The following MAGI2 variants were observed in gnomAD, a reference collection of about 807,000 sequenced individuals.
MAGI2 encodes the protein membrane associated guanylate kinase, WW and PDZ domain containing 2, also known as membrane-associated guanylate kinase, WW and PDZ domain-containing protein 2.
In MAGI2, 35 loss-of-function variants were observed where a neutral mutation model predicts 133.3. The ratio of observed to expected loss-of-function variants is 0.26; its 90% confidence interval spans 0.20 to 0.35. MAGI2 has a LOEUF of 0.35. Among genes scored for constraint, MAGI2 ranks in the 10% least tolerant of loss-of-function variants. The pLI, the probability that MAGI2 is intolerant of heterozygous loss-of-function variation, is 1.00. For missense variants in MAGI2, 1,636 were observed against 1,863.4 expected, an observed-to-expected ratio of 0.88 and a Z score of 2.25; for synonymous variants, 729 against 710.6, an observed-to-expected ratio of 1.03 and a Z score of -0.41.
At chr7:78,573,517 A>G (rs969613421) in intron 3 of MAGI2, among the ~76,000 whole-genome samples, 2 of 142,932 alleles carry the variant, frequency 1.4e-5, no homozygotes, top group Non-Finnish European at 3.0e-5. Context: ...GCCCCATTCA[A>G]AAATAGCAGC....
rs117780099 is a variant in MAGI2 at position 78,917,266 on chromosome 7, G to A, written c.418+89824C>T. 8.4e-3 allele frequency among the ~76,000 whole-genome samples: 1,281 copies of A among 152,192 alleles called. 12 individuals carry two copies. Among genetic ancestry groups the A allele is most frequent in the Middle Eastern group, 0.027 (8 of 294 alleles). On this transcript the variant is annotated intron_variant, in intron 2 of 21. Transcript: ENST00000354212. ...GTAGAGTAAGAGGAGTAAATCTGGA[G>A]AGGAGGGTACTGAATTCAGTCCTGC... is the stretch of plus-strand genomic sequence containing the variant.
chr7:78,589,248 A>C (rs1287182766), intron 3 of MAGI2, among the ~76,000 whole-genome samples: 1 of 152,230 alleles, frequency 6.6e-6, no homozygotes, highest in African/African-American at 2.4e-5. Context: ...GGTGCTGATT[A>C]TGTGGCAGGC....
rs530019985 is a variant in MAGI2 at position 78,774,436 on chromosome 7, A to G, written c.419-147197T>C. ...CAGGAACTGGGGCTAAGAAGCCACT[A>G]AAAACCAAGAATCCTCTTCTCTCTC... On this transcript the variant is annotated intron_variant, in intron 2 of 21. Coordinates refer to ENST00000354212, the MANE Select transcript of MAGI2 (RefSeq NM_012301.4). 2.6e-3 allele frequency among the ~76,000 whole-genome samples: 393 copies of G among 152,314 alleles called. 1 individual carries two copies. Among genetic ancestry groups the G allele is most frequent in the Middle Eastern group, 6.8e-3 (2 of 294 alleles).
chr7:78,974,447 T>C (rs928647638), intron 2 of MAGI2, among the ~76,000 whole-genome samples: 2 of 151,920 alleles, frequency 1.3e-5, no homozygotes, highest in Non-Finnish European at 2.9e-5. Flanking sequence ...TGAAACATAT[T>C]CAATTCAATC....
In MAGI2 at chr7:78,884,600, C is replaced by G. The variant is rs1362743343; in HGVS notation, c.418+122490G>C. ...AACATCACTAATCATCAAAGAAATA[C>G]AAATCAAAACCACAATGAGATACCA... On this transcript the variant is annotated intron_variant, in intron 2 of 21. Transcript: ENST00000354212. 2.0e-5 allele frequency among the ~76,000 whole-genome samples: 3 copies of G among 152,048 alleles called. No individual in the cohort carries two copies. The East Asian group carries it at 5.8e-4, about 29-fold the overall frequency.
At chr7:78,131,866 TA>T (rs924986093) in intron 18 of MAGI2, among the ~76,000 whole-genome samples, 1 of 152,180 alleles carries the variant, frequency 6.6e-6, no homozygotes, top group African/African-American at 2.4e-5. Flanking sequence ...TTATAATCAG[TA>T]AAAATGCTAA....
chr7:79,322,515 G>GA (rs372556363), intron 1 of MAGI2, among the ~76,000 whole-genome samples: 86 of 147,100 alleles, frequency 5.8e-4, no homozygotes, highest in Middle Eastern at 3.4e-3. Flanking sequence ...CCACAATAAT[G>GA]AAAAAAAAAA....
intron 10 of MAGI2, among the ~76,000 whole-genome samples, chr7:78,235,152 A>T (rs191802996): frequency 1.2e-3 from 183 of 152,254 alleles, no homozygotes; most frequent in Non-Finnish European, 1.4e-3. Context: ...ATTTTACATA[A>T]TAGTAAATTT....
At chr7:79,157,444 A>G (rs1302485717) in intron 1 of MAGI2, among the ~76,000 whole-genome samples, 1 of 151,986 alleles carries the variant, frequency 6.6e-6, no homozygotes, top group Non-Finnish European at 1.5e-5. Flanking sequence ...AAACTGAGAC[A>G]TGTAAGAGGG....
chr7:79,234,338 G>T (rs1831676075), intron 1 of MAGI2, among the ~76,000 whole-genome samples: 1 of 151,438 alleles, frequency 6.6e-6, no homozygotes, highest in African/African-American at 2.4e-5. Flanking sequence ...CTGAACGTTG[G>T]CCTGCCTTGT....
intron 1 of MAGI2, among the ~76,000 whole-genome samples, chr7:79,183,396 C>T (rs1313691947): frequency 2.0e-5 from 3 of 151,146 alleles, no homozygotes; most frequent in African/African-American, 7.3e-5. Context: ...AAAAAATTTC[C>T]CTTATACCAT....
At chr7:78,149,366 A>T (rs1823639128) in intron 16 of MAGI2, among the ~76,000 whole-genome samples, 1 of 152,150 alleles carries the variant, frequency 6.6e-6, no homozygotes, top group Non-Finnish European at 1.5e-5. Flanking sequence ...AAGAGTGACA[A>T]ATATAATTGT....
chr7:79,115,217 T>C (rs1819287368), intron 1 of MAGI2, among the ~76,000 whole-genome samples: 1 of 152,134 alleles, frequency 6.6e-6, no homozygotes, highest in Admixed American at 6.6e-5. Context: ...TAGAAATACA[T>C]TTCACAGATA....
At chr7:79,168,889 G>GATAGATATATATAT (rs1396243710) in intron 1 of MAGI2, among the ~76,000 whole-genome samples, 5 of 14,608 alleles carry the variant, frequency 3.4e-4, no homozygotes, top group Non-Finnish European at 8.4e-4. Context: ...TCTAAAGATA[G>GATAGATATATATAT]ATATATATAT....
At chr7:78,182,099 C>T (rs898115382) in intron 13 of MAGI2, among the ~76,000 whole-genome samples, 5 of 152,116 alleles carry the variant, frequency 3.3e-5, no homozygotes. Flanking sequence ...ACATAAGTAC[C>T]ATGGCTTATC....
chr7:78,240,825 T>C (rs566586723), intron 10 of MAGI2, among the ~76,000 whole-genome samples: 1 of 152,224 alleles, frequency 6.6e-6, no homozygotes, highest in South Asian at 2.1e-4. Flanking sequence ...AGATAATGCA[T>C]ATATTAGCTA....
At chr7:78,687,030 C>T (rs917090991) in intron 2 of MAGI2, among the ~76,000 whole-genome samples, 4 of 152,264 alleles carry the variant, frequency 2.6e-5, no homozygotes, top group South Asian at 4.1e-4. Context: ...CTCAGTCCAG[C>T]GCATTGCATT....
chr7:78,625,677 A>G (rs550999461), intron 3 of MAGI2, among the ~76,000 whole-genome samples: 3 of 152,280 alleles, frequency 2.0e-5, no homozygotes, highest in African/African-American at 7.2e-5. Context: ...ACCCAGAGCA[A>G]CTTACAGTCC....
intron 1 of MAGI2, among the ~76,000 whole-genome samples, chr7:79,281,035 A>G (rs1311893882): frequency 1.3e-5 from 2 of 150,782 alleles, no homozygotes; most frequent in South Asian, 2.1e-4. Context: ...CAAATAAGTG[A>G]CATGTCTGTC....
Sources: gnomAD v4.1 joint callset for allele counts (sites outside exome capture counted in the v4.1 genomes callset) on GRCh38, gnomAD v4.1.1 for gene constraint, MANE v1.5 for transcripts, NCBI Gene and HGNC (gene_info 2026-07-23, HGNC 2026-07-21) for gene names.